The following GLIS3 variants were observed in gnomAD, a reference collection of about 807,000 sequenced individuals.
GLIS3 encodes the protein GLIS family zinc finger 3.
In GLIS3, 53 loss-of-function variants were observed where a neutral mutation model predicts 78.6. The ratio of observed to expected loss-of-function variants is 0.67; its 90% CI spans 0.54 to 0.85. GLIS3 has a LOEUF of 0.85. GLIS3 is among the 40% of genes least tolerant of loss of function. The probability of loss-of-function intolerance (pLI) is 0.00; values close to 1 mark genes in which losing one functional copy is unlikely to be tolerated. For missense variants in GLIS3, 1,703 were observed against 1,231.1 expected, an observed-to-expected ratio of 1.38 and a Z score of -5.74; for synonymous variants, 684 against 509.9, an observed-to-expected ratio of 1.34 and a Z score of -4.60.
At chr9:4,414,638 C>A in the GLIS3 span, among the ~76,000 whole-genome samples, 1 of 152,156 alleles carries the variant, frequency 6.6e-6, no homozygotes, top group Non-Finnish European at 1.5e-5. Context: ...AACAAGGATT[C>A]ATTGCTTGAC....
chr9:3,840,165 C>A (rs1195086693), intron 9 of GLIS3, among the ~76,000 whole-genome samples: 2 of 152,086 alleles, frequency 1.3e-5, no homozygotes, highest in Non-Finnish European at 1.5e-5. Flanking sequence ...ACATAGTAGG[C>A]CTTAAGTTCA....
At chr9:4,278,891 G>C (rs1044650239) in intron 2 of GLIS3, among the ~76,000 whole-genome samples, 3 of 152,158 alleles carry the variant, frequency 2.0e-5, no homozygotes, top group African/African-American at 4.8e-5. Flanking sequence ...TGCAATGTGT[G>C]GTACACAAAT....
At chr9:4,488,043 G>C in the GLIS3 span, among the ~76,000 whole-genome samples, 41 of 152,246 alleles carry the variant, frequency 2.7e-4, 1 homozygote, top group African/African-American at 9.9e-4. Flanking sequence ...GATGACCATT[G>C]TTAAAATTTT....
At chr9:4,361,566 C>T in the GLIS3 span, among the ~76,000 whole-genome samples, 1 of 152,216 alleles carries the variant, frequency 6.6e-6, no homozygotes, top group African/African-American at 2.4e-5. Flanking sequence ...TTAACCACTT[C>T]TCTCTGTTAC....
chr9:4,132,916 G>A (rs1265416755), intron 2 of GLIS3, among the ~76,000 whole-genome samples: 4 of 152,142 alleles, frequency 2.6e-5, no homozygotes, highest in Non-Finnish European at 4.4e-5. Context: ...GTGCCTCAGC[G>A]TACTGTTCTA....
the GLIS3 span, among the ~76,000 whole-genome samples, chr9:4,408,289 G>C: frequency 2.6e-5 from 4 of 152,212 alleles, no homozygotes; most frequent in East Asian, 7.7e-4. Context: ...AAGGAAATCA[G>C]TATATCGAGG....
chr9:4,368,338 G>GTTT, the GLIS3 span, among the ~76,000 whole-genome samples: 2 of 135,184 alleles, frequency 1.5e-5, no homozygotes, highest in African/African-American at 5.5e-5. Flanking sequence ...CAAGAACCCT[G>GTTT]TTTTTTTTTT....
chr9:4,465,384 T>C, the GLIS3 span, among the ~76,000 whole-genome samples: 1 of 152,032 alleles, frequency 6.6e-6, no homozygotes, highest in Admixed American at 6.6e-5. Context: ...CACATCTCTA[T>C]TAAAAATACA....
At chr9:4,023,855 T>A (rs985452770) in intron 4 of GLIS3, among the ~76,000 whole-genome samples, 3 of 152,166 alleles carry the variant, frequency 2.0e-5, no homozygotes, top group African/African-American at 4.8e-5. Context: ...GTACAGAAAC[T>A]GAGTGTTTAA....
At chr9:4,093,225 G>C (rs1183135357) in intron 4 of GLIS3, among the ~76,000 whole-genome samples, 5 of 150,678 alleles carry the variant, frequency 3.3e-5, no homozygotes, top group African/African-American at 1.2e-4. Flanking sequence ...TCTGGCTCCA[G>C]AGTCCACGCT....
At chr9:4,302,556 A>G (rs1297636536), upstream of GLIS3, among the ~76,000 whole-genome samples, 3 of 152,250 alleles carry the variant, frequency 2.0e-5, no homozygotes, top group Non-Finnish European at 2.9e-5. Flanking sequence ...CTCTTTGCAT[A>G]TATTACCTCA....
At chr9:4,232,968 TTC>T (rs940865399) in intron 2 of GLIS3, among the ~76,000 whole-genome samples, 1 of 152,220 alleles carries the variant, frequency 6.6e-6, no homozygotes, top group African/African-American at 2.4e-5. Context: ...AGCCAGGTTC[TTC>T]TCTGTTTCTA....
chr9:4,222,889 T>G (rs1396812326), intron 2 of GLIS3, among the ~76,000 whole-genome samples: 1 of 152,234 alleles, frequency 6.6e-6, no homozygotes, highest in Non-Finnish European at 1.5e-5. Flanking sequence ...TTCACGAAGC[T>G]GCACTGAGCA....
In GLIS3 at chr9:4,070,976, C is replaced by G. The variant is rs567119924; in HGVS notation, c.1710+46792G>C. On this transcript the variant is annotated intron_variant, in intron 4 of 10. Coordinates refer to ENST00000381971, the MANE Select transcript of GLIS3 (RefSeq NM_001042413.2). ...GTACCCTCACAGGAAACAGCTTTGT[C>G]ATTATTTTTTCCTTTCACCACTGAA... The G allele has an allele frequency of 1.1e-4, 17 of 152,270 alleles. No homozygotes were observed. The South Asian group carries it at 3.3e-3, about 30-fold the overall frequency. 9.4% of individuals were successfully genotyped at this position (152,270 alleles called of 1,614,324 possible). A position where few individuals can be genotyped will look rare whatever the true frequency, so the allele number is the denominator to read the frequency against.
chr9:4,280,263 T>C (rs1827425212), intron 2 of GLIS3, among the ~76,000 whole-genome samples: 1 of 152,204 alleles, frequency 6.6e-6, no homozygotes, highest in Admixed American at 6.5e-5. Context: ...CCTCAAGCCA[T>C]CCGCCCACCG....
At chr9:4,364,756 C>CTTTGTTTTTTT in the GLIS3 span, among the ~76,000 whole-genome samples, 1 of 61,080 alleles carries the variant, frequency 1.6e-5, no homozygotes, top group Non-Finnish European at 2.9e-5. Flanking sequence ...TCATGTATTG[C>CTTTGTTTTTTT]TTTTTTTTTT....
chr9:4,392,831 A>G, the GLIS3 span, among the ~76,000 whole-genome samples: 525 of 152,304 alleles, frequency 3.4e-3, 3 homozygotes, highest in Non-Finnish European at 4.6e-3. Context: ...GAAACACACA[A>G]GAGTACATTA....
chr9:4,068,004 G>C (rs1308130263), intron 4 of GLIS3, among the ~76,000 whole-genome samples: 1 of 152,042 alleles, frequency 6.6e-6, no homozygotes, highest in East Asian at 1.9e-4. Flanking sequence ...TAAAGTCAGA[G>C]AGCATTATGC....
At chr9:3,854,622 C>A (rs890755470) in intron 9 of GLIS3, among the ~76,000 whole-genome samples, 1 of 151,894 alleles carries the variant, frequency 6.6e-6, no homozygotes, top group Non-Finnish European at 1.5e-5. Flanking sequence ...CTGCCAGTTC[C>A]GCCTCCCGGG....
Sources: allele counts gnomAD v4.1 joint callset (sites outside exome capture counted in the v4.1 genomes callset), GRCh38; gene constraint gnomAD v4.1.1; transcripts MANE v1.5; gene names NCBI Gene and HGNC (gene_info 2026-07-23, HGNC 2026-07-21).